Variants in KANK1 observed in about 807,000 individuals in gnomAD.
KANK1 encodes the protein KN motif and ankyrin repeat domains 1, also known as KN motif and ankyrin repeat domain-containing protein 1.
A neutral mutation model predicts 106.2 loss-of-function variants in KANK1; 109 were observed. The ratio of observed to expected loss-of-function variants is 1.03; its 90% CI spans 0.88 to 1.20. The LOEUF (loss-of-function observed/expected upper bound fraction) is 1.20. KANK1 is among the 50% of genes most tolerant of loss of function. The pLI is 0.00. For synonymous variants in KANK1, 873 were observed against 652.2 expected (o/e 1.34, Z -5.16); for missense variants, 2,399 against 1,710.7 (o/e 1.40, Z -7.10).
At chr9:529,187 AC>A (rs1231433953) in intron 1 of KANK1, among the ~76,000 whole-genome samples, 8 of 151,866 alleles carry the variant, frequency 5.3e-5, no homozygotes, top group Admixed American at 2.0e-4. Flanking sequence ...TTTACAGGCA[AC>A]TGGTATTCCT....
At chr9:590,652 A>C (rs369757315) in intron 1 of KANK1, among the ~76,000 whole-genome samples, 1 of 139,112 alleles carries the variant, frequency 7.2e-6, no homozygotes, top group Non-Finnish European at 1.6e-5. Context: ...TTTTTTTTTT[A>C]GGTGTGTATG....
intron 1 of KANK1, among the ~76,000 whole-genome samples, chr9:663,184 TTAAAA>T (rs1563947500): frequency 6.6e-6 from 1 of 150,668 alleles, no homozygotes; most frequent in Non-Finnish European, 1.5e-5. Context: ...AACTGTACAT[TTAAAA>T]TAAATAAATG....
At chr9:502,961 A>C (rs1046197885), upstream of KANK1, among the ~76,000 whole-genome samples, 1 of 149,272 alleles carries the variant, frequency 6.7e-6, no homozygotes, top group African/African-American at 2.5e-5. Flanking sequence ...TAGCCTCCAG[A>C]GTAGCTGGGA....
At chr9:602,125 A>C (rs1220771292) in intron 1 of KANK1, among the ~76,000 whole-genome samples, 1 of 151,992 alleles carries the variant, frequency 6.6e-6, no homozygotes, top group Admixed American at 6.5e-5. Flanking sequence ...TATCAATGGA[A>C]TAGATTAACT....
intron 1 of KANK1, among the ~76,000 whole-genome samples, chr9:557,738 G>A (rs1329409881): frequency 2.0e-5 from 3 of 152,190 alleles, no homozygotes; most frequent in African/African-American, 7.2e-5. Flanking sequence ...TTTTGTAAAA[G>A]GACCTGTACG....
In KANK1 at chr9:656,237, GACCTTGCT is replaced by G. The variant is rs142715245; in HGVS notation, c.-83-20652_-83-20645del. Among the ~76,000 whole-genome samples the G allele has an allele frequency of 1.0e-2, 1,520 of 152,276 alleles. 15 individuals are homozygous for G. Among genetic ancestry groups the G allele is most frequent in the Middle Eastern group, 0.014 (4 of 294 alleles). ...GCCTTTCCCAGCGTGGTGGAGTTGA[GACCTTGCT>G]GTCAGAGCCTGTTCAGAAGGAGAGA... On this transcript the variant is annotated intron_variant, in intron 1 of 11. Coordinates refer to ENST00000382297, the MANE Select transcript of KANK1 (RefSeq NM_015158.5).
At chr9:635,541 G>C (rs1270644310) in intron 1 of KANK1, among the ~76,000 whole-genome samples, 1 of 152,080 alleles carries the variant, frequency 6.6e-6, no homozygotes, top group African/African-American at 2.4e-5. Flanking sequence ...TCAGCCCCTT[G>C]AGACTGGAGC....
At chr9:549,518 A>G (rs2279619) in intron 1 of KANK1, 32,462 of 152,146 alleles carry the variant, frequency 0.21, 4,186 homozygotes, top group Admixed American at 0.4. Context: ...AAAATAAAAA[A>G]CTAGCAGTCC....
At chr9:671,623 A>AG (rs796557742) in intron 1 of KANK1, among the ~76,000 whole-genome samples, 1 of 103,636 alleles carries the variant, frequency 9.6e-6, no homozygotes, top group Non-Finnish European at 1.8e-5. Flanking sequence ...CTCAAAAAAA[A>AG]AAAAGAGTGT....
intron 1 of KANK1, among the ~76,000 whole-genome samples, chr9:636,736 G>A (rs542787641): frequency 6.6e-6 from 1 of 152,192 alleles, no homozygotes; most frequent in African/African-American, 2.4e-5. Flanking sequence ...ATATGGTGGT[G>A]TGTGCTTGTA....
chr9:673,288 G>A (rs576218645), intron 1 of KANK1, among the ~76,000 whole-genome samples: 24 of 134,094 alleles, frequency 1.8e-4, no homozygotes, highest in Non-Finnish European at 2.8e-4. Context: ...TCGGCTCACC[G>A]CAACCTCTGC....
intron 1 of KANK1, among the ~76,000 whole-genome samples, chr9:626,983 T>C (rs1834507290): frequency 6.6e-6 from 1 of 152,220 alleles, no homozygotes; most frequent in South Asian, 2.1e-4. Flanking sequence ...TTTGGTGTTC[T>C]GTGTAGCTAT....
rs147739219 is a variant in KANK1, at chr9:577,682, G to A, written c.-84+72928G>A. 9.2e-5 allele frequency among the ~76,000 whole-genome samples: 14 copies of A among 152,302 alleles called. No homozygotes were observed. In the East Asian group the frequency reaches 2.7e-3, roughly 29 times the overall value. ...AGCATCACTTGGAAACTTGGTAGAA[G>A]TACACATTCTCAAGTTCCACCCCAA... On this transcript the variant is annotated intron_variant, in intron 1 of 11. Coordinates refer to ENST00000382297, the MANE Select transcript of KANK1 (RefSeq NM_015158.5).
At chr9:504,483 C>A (rs952854779), upstream of KANK1, among the ~76,000 whole-genome samples, 1 of 151,612 alleles carries the variant, frequency 6.6e-6, no homozygotes, top group Non-Finnish European at 1.5e-5. Context: ...CGGGCGTCCT[C>A]TGGGCGGAGG....
intron 3 of KANK1, among the ~76,000 whole-genome samples, chr9:718,918 C>A (rs2131236505): frequency 6.8e-6 from 1 of 147,180 alleles, no homozygotes; most frequent in African/African-American, 2.5e-5. Context: ...CCCAAACCAT[C>A]ATTTGGGCTT....
At chr9:741,999 C>T (rs1476089248) in intron 9 of KANK1, among the ~76,000 whole-genome samples, 2 of 152,224 alleles carry the variant, frequency 1.3e-5, no homozygotes, top group African/African-American at 2.4e-5. Context: ...ATGAAGTTGG[C>T]TCCTTACTTT....
chr9:724,953 A>G (rs938297071), intron 3 of KANK1, among the ~76,000 whole-genome samples: 41 of 152,232 alleles, frequency 2.7e-4, no homozygotes, highest in African/African-American at 9.6e-4. Context: ...AAATAAGTCA[A>G]AGGCACATTA....
chr9:621,973 G>C (rs1833243006), intron 1 of KANK1, among the ~76,000 whole-genome samples: 1 of 152,106 alleles, frequency 6.6e-6, no homozygotes, highest in Non-Finnish European at 1.5e-5. Context: ...GAGGGAAGAG[G>C]AGAAGAAAAG....
rs1245390256 is a variant in KANK1 at position 515,179 on chromosome 9, T to TA, written c.-84+10432dup. On this transcript the variant is annotated intron_variant, in intron 1 of 11. Transcript: ENST00000382297. ...TAACACAGTGAAACCCTATCTCTAC[T>TA]AAAAAAATACAAAAGATTAGCCAGG... Among the ~76,000 whole-genome samples, 6 of 151,138 alleles carry TA rather than the reference T, an allele frequency of 4.0e-5. No homozygotes were observed. In the East Asian group the frequency reaches 7.7e-4, roughly 19 times the overall value.
Sources: gnomAD v4.1 joint callset for allele counts (sites outside exome capture counted in the v4.1 genomes callset) on GRCh38, gnomAD v4.1.1 for gene constraint, MANE v1.5 for transcripts, NCBI Gene and HGNC (gene_info 2026-07-23, HGNC 2026-07-21) for gene names.